Variants in CCDC73 observed in about 807,000 individuals in gnomAD.
CCDC73 encodes the protein coiled-coil domain-containing protein 73.
In CCDC73, 95 loss-of-function variants were observed where a neutral mutation model predicts 116.5. The observed-to-expected ratio is 0.82, with a 90% confidence interval of 0.69 to 0.97. The LOEUF is 0.97. CCDC73 is among the 50% of genes least tolerant of loss of function. CCDC73 has a pLI of 0.00. For synonymous variants in CCDC73, 398 were observed against 401.3 expected, an observed-to-expected ratio of 0.99 and a Z score of 0.10; for missense variants, 1,066 against 1,206.8, an observed-to-expected ratio of 0.88 and a Z score of 1.73.
In CCDC73 at chr11:32,675,878, G is replaced by A. The variant is rs1265472055; in HGVS notation, c.565+8C>T. The A allele has an allele frequency of 3.2e-6, 5 of 1,584,196 alleles. No homozygotes were observed. The African/African-American group carries it at 6.8e-5, about 21-fold the overall frequency. On this transcript the variant is annotated splice_region_variant and intron_variant, in intron 8 of 17. Transcript: ENST00000335185. ...TGAATATGTATATTTAAATAAGATAGCACATACCATTTTGTTCTAACTTTT... is the reference window on the plus strand; with the variant it reads ...TGAATATGTATATTTAAATAAGATAACACATACCATTTTGTTCTAACTTTT...
chr11:32,772,636 T>G (rs1850500998), intron 1 of CCDC73, among the ~76,000 whole-genome samples: 1 of 152,164 alleles, frequency 6.6e-6, no homozygotes, highest in African/African-American at 2.4e-5. Flanking sequence ...CAAGTTACTT[T>G]CAACAGGTTC....
chr11:32,799,456 C>T (rs1251055520), upstream of CCDC73, among the ~76,000 whole-genome samples: 2 of 151,548 alleles, frequency 1.3e-5, no homozygotes, highest in African/African-American at 2.4e-5. Flanking sequence ...TCTCGAACTC[C>T]TGAGCATAAA....
At chr11:32,830,124 A>G in the CCDC73 span, 2 of 996,962 alleles carry the variant, frequency 2.0e-6, no homozygotes, top group Non-Finnish European at 2.4e-6. Flanking sequence ...AACCGCCCCA[A>G]GAAGAGCCTC....
chr11:32,707,907 T>A (rs1394616945), intron 3 of CCDC73, among the ~76,000 whole-genome samples: 3 of 152,120 alleles, frequency 2.0e-5, no homozygotes, highest in Admixed American at 6.5e-5. Flanking sequence ...ATGGAACATC[T>A]CCCTCAGGAA....
chr11:32,763,991 G>T (rs1850417189), intron 1 of CCDC73, among the ~76,000 whole-genome samples: 1 of 152,172 alleles, frequency 6.6e-6, no homozygotes, highest in African/African-American at 2.4e-5. Context: ...ACGGATTTGA[G>T]CAACTGAAAC....
chr11:32,722,374 C>A (rs922542803), intron 2 of CCDC73, among the ~76,000 whole-genome samples: 1 of 152,194 alleles, frequency 6.6e-6, no homozygotes, highest in East Asian at 1.9e-4. Flanking sequence ...GGGTCACATA[C>A]CCTCTCCTAA....
chr11:32,746,726 CA>C (rs573404952), intron 2 of CCDC73, among the ~76,000 whole-genome samples: 179 of 152,202 alleles, frequency 1.2e-3, no homozygotes, highest in African/African-American at 4.2e-3. Context: ...ATTGGCTACT[CA>C]AGCTTGTGTA....
At chr11:32,733,229 T>C (rs1850095977) in intron 2 of CCDC73, among the ~76,000 whole-genome samples, 1 of 152,172 alleles carries the variant, frequency 6.6e-6, no homozygotes, top group African/African-American at 2.4e-5. Context: ...CTATCCTAAA[T>C]ATATATGCAC....
At chr11:32,655,112 T>G in intron 9 of CCDC73, 140 bp from the exon 10 acceptor site, 3 of 89,992 alleles carry the variant, frequency 3.3e-5, no homozygotes, top group East Asian at 4.6e-5. Flanking sequence ...CCTTGCAAGA[T>G]TAGCCAAGGT....
chr11:32,702,295 G>A (rs921173001), intron 4 of CCDC73, among the ~76,000 whole-genome samples: 2 of 152,194 alleles, frequency 1.3e-5, no homozygotes, highest in African/African-American at 4.8e-5. Context: ...AGGAACTGAA[G>A]AGAAATTTTA....
intron 17 of CCDC73, among the ~76,000 whole-genome samples, chr11:32,609,825 G>C (rs1410263080): frequency 6.6e-6 from 1 of 152,072 alleles, no homozygotes; most frequent in Non-Finnish European, 1.5e-5. Flanking sequence ...TGTCATCCAG[G>C]CTGGAGTGCA....
At chr11:32,730,123 T>C (rs1850062516) in intron 2 of CCDC73, among the ~76,000 whole-genome samples, 2 of 152,208 alleles carry the variant, frequency 1.3e-5, no homozygotes, top group African/African-American at 4.8e-5. Context: ...AATTTGCATA[T>C]AGTACAGTTT....
At chr11:32,742,823 G>C (rs967131180) in intron 2 of CCDC73, among the ~76,000 whole-genome samples, 6 of 151,970 alleles carry the variant, frequency 3.9e-5, no homozygotes, top group Non-Finnish European at 7.4e-5. Context: ...ATCTTGAGTT[G>C]ATTTTTGTAT....
chr11:32,719,811 T>C (rs1051489309), intron 2 of CCDC73, among the ~76,000 whole-genome samples: 44 of 152,196 alleles, frequency 2.9e-4, no homozygotes, highest in Middle Eastern at 3.4e-3. Flanking sequence ...TTAGAGAAAT[T>C]GGCCAATGTC....
At chr11:32,617,676 G>A (rs1335785890) in intron 14 of CCDC73, among the ~76,000 whole-genome samples, 1 of 152,178 alleles carries the variant, frequency 6.6e-6, no homozygotes, top group Non-Finnish European at 1.5e-5. Context: ...GGGAGAAGGT[G>A]AGTCAAGATT....
chr11:32,684,377 T>C (rs907641747), intron 6 of CCDC73, among the ~76,000 whole-genome samples: 1 of 152,176 alleles, frequency 6.6e-6, no homozygotes, highest in African/African-American at 2.4e-5. Context: ...AAAACATACA[T>C]TTATACTTTA....
At chr11:32,715,328 T>C (rs1195918454) in intron 3 of CCDC73, among the ~76,000 whole-genome samples, 1 of 152,202 alleles carries the variant, frequency 6.6e-6, no homozygotes, top group Non-Finnish European at 1.5e-5. Flanking sequence ...TCCTAGCTGC[T>C]GGCTTTAAAG....
chr11:32,699,037 C>T (rs57555617), intron 6 of CCDC73, among the ~76,000 whole-genome samples: 39 of 151,432 alleles, frequency 2.6e-4, no homozygotes, highest in Non-Finnish European at 5.0e-4. Context: ...ATAAGATATA[C>T]TAAAAATTAT....
chr11:32,731,996 T>C (rs917671197), intron 2 of CCDC73, among the ~76,000 whole-genome samples: 1 of 152,066 alleles, frequency 6.6e-6, no homozygotes, highest in Non-Finnish European at 1.5e-5. Flanking sequence ...TTCGAACCCA[T>C]CGCAAAGAAG....
Sources: gnomAD v4.1 joint callset for allele counts (sites outside exome capture counted in the v4.1 genomes callset) on GRCh38, gnomAD v4.1.1 for gene constraint, MANE v1.5 for transcripts, NCBI Gene and HGNC (gene_info 2026-07-23, HGNC 2026-07-21) for gene names.